The following NTN1 variants were observed in gnomAD, a reference collection of about 807,000 sequenced individuals.
NTN1 encodes the protein netrin 1, also known as netrin-1.
A neutral mutation model predicts 54.2 loss-of-function variants in NTN1; 11 were observed. The ratio of observed to expected loss-of-function variants is 0.20; its 90% CI spans 0.13 to 0.34. The LOEUF is 0.34. NTN1 is among the 10% of genes least tolerant of loss of function. NTN1 has a pLI of 1.00. For missense variants in NTN1, 740 were observed against 893.1 expected (o/e 0.83, Z 2.18); for synonymous variants, 371 against 382.0 (o/e 0.97, Z 0.33).
intron 6 of NTN1, among the ~76,000 whole-genome samples, chr17:9,226,931 ACTGGAGCATC>A (rs1053999591): frequency 5.3e-5 from 8 of 151,904 alleles, no homozygotes; most frequent in Non-Finnish European, 1.2e-4. Flanking sequence ...CCGCCAGGGA[ACTGGAGCATC>A]CCAGCCCCGC....
chr17:9,193,349 T>G (rs1904519963), intron 5 of NTN1, among the ~76,000 whole-genome samples: 1 of 152,238 alleles, frequency 6.6e-6, no homozygotes, highest in Non-Finnish European at 1.5e-5. Flanking sequence ...GACAGTTACA[T>G]TCTCATCACC....
intron 2 of NTN1, among the ~76,000 whole-genome samples, chr17:9,115,741 G>A (rs889169998): frequency 2.6e-5 from 4 of 152,216 alleles, no homozygotes; most frequent in African/African-American, 9.6e-5. Flanking sequence ...ACAAACGAAC[G>A]GATGGGCCGT....
chr17:9,140,705 G>C (rs1001824461), intron 2 of NTN1, among the ~76,000 whole-genome samples: 2 of 152,206 alleles, frequency 1.3e-5, no homozygotes, highest in African/African-American at 2.4e-5. Context: ...AAATGAACCT[G>C]TCATGTAGGA....
At chr17:9,061,764 C>G (rs1396748496) in intron 2 of NTN1, among the ~76,000 whole-genome samples, 1 of 152,036 alleles carries the variant, frequency 6.6e-6, no homozygotes, top group Admixed American at 6.6e-5. Context: ...AGTCCAGTGG[C>G]GTGGTCTTGG....
the NTN1 span, among the ~76,000 whole-genome samples, chr17:9,012,197 C>A: frequency 6.6e-6 from 1 of 151,984 alleles, no homozygotes; most frequent in South Asian, 2.1e-4. Flanking sequence ...CTCATCCCTA[C>A]CACTCCCCAT....
chr17:9,234,846 A>C (rs1300806256), intron 6 of NTN1, among the ~76,000 whole-genome samples: 1 of 151,892 alleles, frequency 6.6e-6, no homozygotes, highest in Non-Finnish European at 1.5e-5. Context: ...CATCTGCCTC[A>C]TTGACTTCCT....
chr17:9,193,938 A>AAAAAAAAAAAAAAAAAAAAAAAAAC lies in NTN1; in HGVS notation c.1411+10975_1411+10976insAAAAAAAAAAAAAAAAAACAAAAAA, dbSNP rs796452392. On this transcript the variant is annotated intron_variant, in intron 5 of 6. Coordinates refer to ENST00000173229, the MANE Select transcript of NTN1 (RefSeq NM_004822.3). ...CTCCGACTAAAAAAAAAAAAAAAAA[A>AAAAAAAAAAAAAAAAAAAAAAAAAC]AAAAAACATTATGCAGGTTGGGCGC... Among the ~76,000 whole-genome samples the AAAAAAAAAAAAAAAAAAAAAAAAAC allele has an allele frequency of 9.2e-5, 10 of 108,300 alleles. 1 individual carries two copies. The highest frequency in any genetic ancestry group is 6.0e-4 in the East Asian group (2 of 3,308). The allele number at this position is 108,300 out of a possible 152,430, so 71.0% of individuals were successfully genotyped here. A position where few individuals can be genotyped will look rare whatever the true frequency, so the allele number is the denominator to read the frequency against.
the NTN1 span, among the ~76,000 whole-genome samples, chr17:9,003,427 A>G: frequency 6.6e-6 from 1 of 151,502 alleles, no homozygotes; most frequent in Non-Finnish European, 1.5e-5. This position sits in a 1 kb window ranked among gnomAD's most constrained non-coding sequence, Gnocchi z 7.4. Flanking sequence ...CGTCCTGCGC[A>G]CTTGGCGCGC....
intron 2 of NTN1, among the ~76,000 whole-genome samples, chr17:9,116,262 C>A (rs1195930559): frequency 1.3e-5 from 2 of 152,154 alleles, no homozygotes; most frequent in Non-Finnish European, 2.9e-5. Context: ...GTAGGCAGAG[C>A]CCCCGGGAGG....
chr17:9,198,549 G>C lies in NTN1; in HGVS notation c.1411+15580G>C, dbSNP rs78238799. 7.2e-3 allele frequency among the ~76,000 whole-genome samples: 1,093 copies of C among 152,246 alleles called. 18 individuals are homozygous for C. Among genetic ancestry groups the C allele is most frequent in the African/African-American group, 0.025 (1,047 of 41,536 alleles). Reference sequence around the variant, plus strand: ...AAGGGAAGTTTTACTGGAATCTGGGGACCATCTGTGGGTTTCTGTTTTGTC... The same window carrying C: ...AAGGGAAGTTTTACTGGAATCTGGGCACCATCTGTGGGTTTCTGTTTTGTC... On this transcript the variant is annotated intron_variant, in intron 5 of 6. Transcript: ENST00000173229.
chr17:9,089,628 G>A (rs2092102655), intron 2 of NTN1, among the ~76,000 whole-genome samples: 1 of 152,052 alleles, frequency 6.6e-6, no homozygotes. Context: ...TGTCCCTTCT[G>A]AGAACACCTG....
At chr17:9,061,278 T>C (rs1166038871) in intron 2 of NTN1, among the ~76,000 whole-genome samples, 1 of 151,786 alleles carries the variant, frequency 6.6e-6, no homozygotes, top group African/African-American at 2.4e-5. Context: ...CAGTTGAAAA[T>C]AGAGTGAGGA....
intron 2 of NTN1, among the ~76,000 whole-genome samples, chr17:9,032,402 TC>T (rs1279735750): frequency 6.6e-6 from 1 of 152,170 alleles, no homozygotes; most frequent in Non-Finnish European, 1.5e-5. Flanking sequence ...CTTATCACTG[TC>T]CCTACACTCA....
chr17:9,018,988 C>T (rs1415117007), upstream of NTN1, among the ~76,000 whole-genome samples: 1 of 152,210 alleles, frequency 6.6e-6, no homozygotes, highest in African/African-American at 2.4e-5. Flanking sequence ...AGTTGTAATT[C>T]CCTTGAGCAG....
chr17:9,231,570 C>T (rs1034081254), intron 6 of NTN1, among the ~76,000 whole-genome samples: 1 of 152,228 alleles, frequency 6.6e-6, no homozygotes, highest in Non-Finnish European at 1.5e-5. Context: ...ACCAGGGTGC[C>T]CTGGGAGCGC....
chr17:9,020,834 T>C (rs1249288504), upstream of NTN1, among the ~76,000 whole-genome samples: 1 of 152,168 alleles, frequency 6.6e-6, no homozygotes, highest in Non-Finnish European at 1.5e-5. Context: ...TGCCCACCAC[T>C]GCTCCCTTGG....
At chr17:9,151,141 C>T (rs558252579) in intron 2 of NTN1, among the ~76,000 whole-genome samples, 2 of 152,266 alleles carry the variant, frequency 1.3e-5, no homozygotes, top group East Asian at 3.9e-4. Context: ...CCCCCAGAAG[C>T]CTAAGAGGGT....
chr17:9,161,634 C>T (rs1001098553), intron 2 of NTN1, among the ~76,000 whole-genome samples: 1 of 152,040 alleles, frequency 6.6e-6, no homozygotes, highest in African/African-American at 2.4e-5. Flanking sequence ...AAAAATTAGC[C>T]TGGCGTGGTG....
intron 2 of NTN1, among the ~76,000 whole-genome samples, chr17:9,028,115 ACT>A (rs2091877103): frequency 6.6e-6 from 1 of 151,168 alleles, no homozygotes; most frequent in African/African-American, 2.4e-5. Context: ...ACAGAGTGAG[ACT>A]CTGTCTCCAA....
Sources: allele counts gnomAD v4.1 joint callset (sites outside exome capture counted in the v4.1 genomes callset), GRCh38; gene constraint gnomAD v4.1.1; non-coding constraint Gnocchi (gnomAD v3.1); transcripts MANE v1.5; gene names NCBI Gene and HGNC (gene_info 2026-07-23, HGNC 2026-07-21).